Variants in FUT9 observed in about 807,000 individuals in gnomAD.
The protein encoded by FUT9 is 4-galactosyl-N-acetylglucosaminide 3-alpha-L-fucosyltransferase 9.
Under a neutral mutation model 29.7 loss-of-function variants are expected in FUT9, and 15 were observed. The observed-to-expected ratio is 0.51, with a 90% CI of 0.34 to 0.78. The LOEUF (loss-of-function observed/expected upper bound fraction) is 0.78, where lower values mean the gene tolerates loss of function less well. FUT9 is among the 30% of genes least tolerant of loss of function. The probability of loss-of-function intolerance (pLI) is 0.01; values close to 1 mark genes in which losing one functional copy is unlikely to be tolerated. For synonymous variants in FUT9, 169 were observed against 153.7 expected, an observed-to-expected ratio of 1.10 and a Z score of -0.74; for missense variants, 319 against 425.4, an observed-to-expected ratio of 0.75 and a Z score of 2.20.
At chr6:96,089,775 A>G (rs1371770851) in intron 1 of FUT9, among the ~76,000 whole-genome samples, 1 of 152,198 alleles carries the variant, frequency 6.6e-6, no homozygotes, top group Non-Finnish European at 1.5e-5. Flanking sequence ...AGGAATCATA[A>G]CAGCGCTTTT....
intron 1 of FUT9, among the ~76,000 whole-genome samples, chr6:96,050,130 C>T (rs1328647405): frequency 6.6e-6 from 1 of 151,990 alleles, no homozygotes; most frequent in Non-Finnish European, 1.5e-5. Context: ...CATCACCACA[C>T]TAGATTTCAA....
chr6:96,118,428 T>C (rs1771955487), intron 2 of FUT9, among the ~76,000 whole-genome samples: 1 of 152,156 alleles, frequency 6.6e-6, no homozygotes, highest in South Asian at 2.1e-4. Flanking sequence ...TAAACAATTC[T>C]TATCTCCTAA....
In FUT9 at chr6:96,209,149, T is replaced by C. The variant is rs1773887307; in HGVS notation, c.*4914T>C. 6.0e-6 allele frequency: 1 copy of C among 166,866 alleles called. No individual in the cohort carries two copies. Among genetic ancestry groups the C allele is most frequent in the Non-Finnish European group, 1.5e-5 (1 of 68,004 alleles). 10.3% of individuals were successfully genotyped at this position (166,866 alleles called of 1,614,324 possible). On this transcript the variant is annotated 3_prime_UTR_variant, in exon 3 of 3. Coordinates refer to ENST00000302103, the MANE Select transcript of FUT9 (RefSeq NM_006581.4). ...AGAGCCACTTAACCTCTCTGGACCT[T>C]GTTTGTAAGCTTTCTTCTAGCACTA...
At chr6:96,035,808 A>ATATAC (rs1341953682) in intron 1 of FUT9, among the ~76,000 whole-genome samples, 2 of 133,732 alleles carry the variant, frequency 1.5e-5, no homozygotes, top group Non-Finnish European at 3.2e-5. Context: ...ATATAATATA[A>ATATAC]TACATATAAT....
At chr6:96,188,252 TTG>T (rs1026849724) in intron 2 of FUT9, among the ~76,000 whole-genome samples, 1 of 151,784 alleles carries the variant, frequency 6.6e-6, no homozygotes. Flanking sequence ...TCTCTCTCTT[TTG>T]TGTGTGTGTG....
At chr6:96,083,674 T>A (rs1042565868) in intron 1 of FUT9, among the ~76,000 whole-genome samples, 2 of 152,070 alleles carry the variant, frequency 1.3e-5, no homozygotes, top group African/African-American at 2.4e-5. Flanking sequence ...TGAACTAAGC[T>A]CTGCTTCTCT....
intron 1 of FUT9, among the ~76,000 whole-genome samples, chr6:96,052,202 T>C (rs530745848): frequency 6.6e-6 from 1 of 152,252 alleles, no homozygotes; most frequent in African/African-American, 2.4e-5. Context: ...CTCACTATCA[T>C]GACAAGAGCA....
At chr6:96,168,939 C>G (rs994396721) in intron 2 of FUT9, among the ~76,000 whole-genome samples, 1 of 152,076 alleles carries the variant, frequency 6.6e-6, no homozygotes, top group Admixed American at 6.5e-5. Flanking sequence ...TCCTACCTAT[C>G]GCAACAGGCA....
chr6:96,159,767 T>G (rs1772862734), intron 2 of FUT9, among the ~76,000 whole-genome samples: 1 of 152,104 alleles, frequency 6.6e-6, no homozygotes, highest in Non-Finnish European at 1.5e-5. Context: ...GCACTATAAT[T>G]TTATATATGT....
intron 2 of FUT9, among the ~76,000 whole-genome samples, chr6:96,143,683 C>T (rs1471863022): frequency 2.6e-5 from 4 of 152,026 alleles, no homozygotes; most frequent in Non-Finnish European, 2.9e-5. Context: ...CTGTTTACTA[C>T]CAGTATTTGT....
rs1276771794 is a variant in FUT9, at chr6:96,211,266, A to G, written c.*7031A>G. On this transcript the variant is annotated 3_prime_UTR_variant, in exon 3 of 3. Coordinates refer to ENST00000302103, the MANE Select transcript of FUT9 (RefSeq NM_006581.4). ...TATACCATTTCTTAAGATAATTGGA[A>G]CTCAAGCAGTCCTAATTTTCTCTCC... 1.2e-5 allele frequency: 2 copies of G among 166,740 alleles called. No individual in the cohort carries two copies. The highest frequency in any genetic ancestry group is 2.9e-5 in the Non-Finnish European group (2 of 67,976). The allele number at this position is 166,740 out of a possible 1,614,324, so 10.3% of individuals were successfully genotyped here. A position where few individuals can be genotyped will look rare whatever the true frequency, so the allele number is the denominator to read the frequency against.
At chr6:96,128,591 C>T (rs1237034829) in intron 2 of FUT9, among the ~76,000 whole-genome samples, 1 of 152,028 alleles carries the variant, frequency 6.6e-6, no homozygotes, top group East Asian at 1.9e-4. Context: ...ATTTTAAAAA[C>T]ATATATTGTT....
At chr6:96,191,559 T>C (rs1438644208) in intron 2 of FUT9, among the ~76,000 whole-genome samples, 2 of 152,038 alleles carry the variant, frequency 1.3e-5, no homozygotes, top group Non-Finnish European at 2.9e-5. Flanking sequence ...AATAGACCAA[T>C]AGCAGGCTCT....
intron 2 of FUT9, among the ~76,000 whole-genome samples, chr6:96,151,299 T>G (rs1233011138): frequency 6.6e-6 from 1 of 152,188 alleles, no homozygotes; most frequent in African/African-American, 2.4e-5. Context: ...ATTATAATTA[T>G]GTATAATAGA....
chr6:96,126,785 T>C (rs375494105), intron 2 of FUT9, among the ~76,000 whole-genome samples: 34 of 152,338 alleles, frequency 2.2e-4, no homozygotes, highest in African/African-American at 7.7e-4. Flanking sequence ...GTAGAGGCAA[T>C]ATCATTTCTG....
chr6:96,199,623 A>T (rs994359449), intron 2 of FUT9, among the ~76,000 whole-genome samples: 6 of 152,166 alleles, frequency 3.9e-5, no homozygotes, highest in African/African-American at 1.4e-4. Flanking sequence ...CAAAACAGAG[A>T]GGCAAAACTG....
intron 2 of FUT9, among the ~76,000 whole-genome samples, chr6:96,131,083 G>C (rs902139264): frequency 6.6e-5 from 10 of 152,056 alleles, no homozygotes; most frequent in Admixed American, 1.3e-4. Flanking sequence ...GGCTTGTATG[G>C]AGGAGCCCTT....
chr6:96,029,588 T>C (rs991046416), intron 1 of FUT9, among the ~76,000 whole-genome samples: 1 of 151,760 alleles, frequency 6.6e-6, no homozygotes, highest in African/African-American at 2.4e-5. Context: ...GTACACTCTG[T>C]TTCTAGGTAT....
At chr6:96,194,965 T>A (rs770805442) in intron 2 of FUT9, among the ~76,000 whole-genome samples, 3 of 152,084 alleles carry the variant, frequency 2.0e-5, no homozygotes, top group Non-Finnish European at 4.4e-5. Flanking sequence ...AAATAGAGCT[T>A]CTAAAGTTAA....
Sources: gnomAD v4.1 joint callset for allele counts (sites outside exome capture counted in the v4.1 genomes callset) on GRCh38, gnomAD v4.1.1 for gene constraint, MANE v1.5 for transcripts, NCBI Gene and HGNC (gene_info 2026-07-23, HGNC 2026-07-21) for gene names.